NALF1: variants seen among roughly 807,000 people sequenced by gnomAD.
NALF1 encodes NALCN channel auxiliary factor 1, also known as family with sequence similarity 155 member A.
Under a neutral mutation model 48.4 loss-of-function variants are expected in NALF1, and 3 were observed. The observed-to-expected ratio is 0.06, with a 90% CI of 0.03 to 0.16. The LOEUF is 0.16. Among genes scored for constraint, NALF1 ranks in the 10% least tolerant of loss-of-function variants. The probability of loss-of-function intolerance (pLI) is 1.00; values close to 1 mark genes in which losing one functional copy is unlikely to be tolerated. For synonymous variants in NALF1, 262 were observed against 245.7 expected, an observed-to-expected ratio of 1.07 and a Z score of -0.62; for missense variants, 526 against 571.5, an observed-to-expected ratio of 0.92 and a Z score of 0.81.
intron 1 of NALF1, among the ~76,000 whole-genome samples, chr13:107,783,310 T>A (rs1877974972): frequency 7.7e-6 from 1 of 129,456 alleles, no homozygotes; most frequent in African/African-American, 3.0e-5. Flanking sequence ...CGGCCACCCC[T>A]ACTGGGAAGT....
chr13:107,335,692 GT>G (rs1882542930), intron 1 of NALF1, among the ~76,000 whole-genome samples: 1 of 152,138 alleles, frequency 6.6e-6, no homozygotes, highest in African/African-American at 2.4e-5. Context: ...ATAATGTACT[GT>G]TTTTGATTCA....
At chr13:107,813,036 G>A (rs183722572) in intron 1 of NALF1, among the ~76,000 whole-genome samples, 150 of 152,248 alleles carry the variant, frequency 9.9e-4, no homozygotes, top group Non-Finnish European at 2.0e-3. Flanking sequence ...GATTACAGGT[G>A]TGAGCACCAC....
chr13:107,842,698 T>G (rs1880074954), intron 1 of NALF1, among the ~76,000 whole-genome samples: 1 of 151,650 alleles, frequency 6.6e-6, no homozygotes, highest in Non-Finnish European at 1.5e-5. Context: ...AAGAAAGTAA[T>G]TAACTTTTTT....
At chr13:107,775,254 G>T (rs1444893612) in intron 1 of NALF1, among the ~76,000 whole-genome samples, 2 of 133,064 alleles carry the variant, frequency 1.5e-5, no homozygotes, top group East Asian at 4.5e-4. Flanking sequence ...CCCTTCCTGT[G>T]TCCATGTGTT....
chr13:107,491,970 CT>C (rs1875140657), intron 1 of NALF1, among the ~76,000 whole-genome samples: 2 of 145,638 alleles, frequency 1.4e-5, no homozygotes, highest in East Asian at 4.0e-4. Context: ...CACCTGTTAT[CT>C]TTTAAGGCAC....
intron 1 of NALF1, among the ~76,000 whole-genome samples, chr13:107,666,573 C>A (rs1240066343): frequency 6.6e-6 from 1 of 152,098 alleles, no homozygotes; most frequent in Non-Finnish European, 1.5e-5. Flanking sequence ...GTAAGCTGAA[C>A]CTATTGAGAT....
At chr13:107,487,735 G>T (rs1175574234) in intron 1 of NALF1, among the ~76,000 whole-genome samples, 1 of 152,132 alleles carries the variant, frequency 6.6e-6, no homozygotes, top group Non-Finnish European at 1.5e-5. Context: ...TTGGCCTGAA[G>T]TTTTCTTTTT....
intron 1 of NALF1, among the ~76,000 whole-genome samples, chr13:107,368,281 G>A (rs1883186492): frequency 6.6e-6 from 1 of 151,436 alleles, no homozygotes; most frequent in Non-Finnish European, 1.5e-5. Flanking sequence ...CTTGTCTGCT[G>A]TAATTAGCAC....
At position 107,866,183 on chromosome 13, in the gene NALF1, G is replaced by GCCA. The variant is rs1190016565; in HGVS notation, c.413_414insTGG (p.Gly143dup). The GCCA allele has an allele frequency of 6.2e-7, 1 of 1,603,292 alleles. No individual in the cohort carries two copies. The highest frequency in any genetic ancestry group is 2.2e-5 in the East Asian group (1 of 44,790). Reference sequence around the variant, plus strand: ...GGTTGCCCTTGCCGCCGCCGCCGCCGCCGTCTCCCGGGGAGGGGGGCAGGG... The same window carrying GCCA: ...GGTTGCCCTTGCCGCCGCCGCCGCCGCCACCGTCTCCCGGGGAGGGGGGCAGGG... On this transcript the variant is annotated inframe_insertion, in exon 1 of 3. Coordinates refer to ENST00000375915, the MANE Select transcript of NALF1 (RefSeq NM_001080396.3). This position sits in a 1 kb window ranked among gnomAD's most constrained non-coding sequence, Gnocchi z 4.4.
intron 1 of NALF1, among the ~76,000 whole-genome samples, chr13:107,791,783 C>CA (rs980565845): frequency 2.0e-5 from 3 of 151,454 alleles, no homozygotes; most frequent in Non-Finnish European, 2.9e-5. Flanking sequence ...ATCCCCGCCC[C>CA]CCCCCGTCTC....
chr13:107,849,341 G>A (rs1028808224), intron 1 of NALF1, among the ~76,000 whole-genome samples: 4 of 152,198 alleles, frequency 2.6e-5, no homozygotes, highest in African/African-American at 9.7e-5. Flanking sequence ...ATAAGATTGT[G>A]TAGTAAAGAA....
At chr13:107,735,908 G>C (rs1459664791) in intron 1 of NALF1, among the ~76,000 whole-genome samples, 1 of 152,062 alleles carries the variant, frequency 6.6e-6, no homozygotes, top group African/African-American at 2.4e-5. Flanking sequence ...GTGCATTCTT[G>C]AGCTTCTAAC....
intron 1 of NALF1, among the ~76,000 whole-genome samples, chr13:107,471,322 A>C (rs1885097171): frequency 6.6e-6 from 1 of 152,220 alleles, no homozygotes; most frequent in Non-Finnish European, 1.5e-5. Flanking sequence ...AGACACATGT[A>C]CATATAAGAA....
intron 1 of NALF1, among the ~76,000 whole-genome samples, chr13:107,619,244 G>T (rs960013612): frequency 6.6e-6 from 1 of 152,170 alleles, no homozygotes; most frequent in African/African-American, 2.4e-5. Context: ...TATGCGCTCA[G>T]GTCGGTTAAG....
At chr13:107,442,653 T>C (rs959837488) in intron 1 of NALF1, among the ~76,000 whole-genome samples, 1 of 152,214 alleles carries the variant, frequency 6.6e-6, no homozygotes, top group Non-Finnish European at 1.5e-5. Flanking sequence ...GCAAACCTTT[T>C]GAATTATCAA....
At chr13:107,864,508 A>T (rs544039797) in intron 1 of NALF1, among the ~76,000 whole-genome samples, 1 of 152,236 alleles carries the variant, frequency 6.6e-6, no homozygotes, top group Non-Finnish European at 1.5e-5. Context: ...ACAGAGGAAC[A>T]GTTGTTCTGC....
chr13:107,308,199 C>CT (rs772161115), intron 1 of NALF1, among the ~76,000 whole-genome samples: 23,887 of 98,128 alleles, frequency 0.24, 4,169 homozygotes, highest in East Asian at 0.41. Context: ...TGTGTCTATG[C>CT]TTTTTTTTTT....
chr13:107,527,543 G>A (rs901199243), intron 1 of NALF1, among the ~76,000 whole-genome samples: 1 of 152,000 alleles, frequency 6.6e-6, no homozygotes, highest in Non-Finnish European at 1.5e-5. Flanking sequence ...AGATTTATAC[G>A]CCTCAATTTA....
chr13:107,839,945 A>G (rs941688591), intron 1 of NALF1, among the ~76,000 whole-genome samples: 4 of 152,198 alleles, frequency 2.6e-5, no homozygotes, highest in African/African-American at 7.2e-5. Context: ...CAAATATTCT[A>G]CAAATGCATA....
Sources: gnomAD v4.1 joint callset for allele counts (sites outside exome capture counted in the v4.1 genomes callset) on GRCh38, gnomAD v4.1.1 for gene constraint, Gnocchi (gnomAD v3.1) non-coding constraint, MANE v1.5 for transcripts, NCBI Gene and HGNC (gene_info 2026-07-23, HGNC 2026-07-21) for gene names.